The following SCUBE1 variants were observed in gnomAD, a reference collection of about 807,000 sequenced individuals.
SCUBE1 encodes signal peptide, CUB domain and EGF like domain containing 1, also known as signal peptide, CUB and EGF-like domain-containing protein 1.
A neutral mutation model predicts 124.4 loss-of-function variants in SCUBE1; 59 were observed. That is an observed-to-expected ratio of 0.47 (90% CI 0.38 to 0.59). The LOEUF is 0.59. Ranked by LOEUF, SCUBE1 falls within the 20% of genes least tolerant of loss-of-function variation. The probability of loss-of-function intolerance (pLI) is 0.00; values close to 1 mark genes in which losing one functional copy is unlikely to be tolerated. For missense variants in SCUBE1, 1,150 were observed against 1,371.2 expected, an observed-to-expected ratio of 0.84 and a Z score of 2.55; for synonymous variants, 545 against 550.9, an observed-to-expected ratio of 0.99 and a Z score of 0.15.
intron 2 of SCUBE1, among the ~76,000 whole-genome samples, chr22:43,322,384 C>G (rs1478126393): frequency 6.6e-6 from 1 of 152,146 alleles, no homozygotes; most frequent in Non-Finnish European, 1.5e-5. Flanking sequence ...CCACCTCTTC[C>G]CCTGGGTATT....
At chr22:43,237,971 C>A (rs8137393) in intron 7 of SCUBE1, 47,170 of 152,392 alleles carry the variant, frequency 0.31, 7,851 homozygotes, top group African/African-American at 0.44. Flanking sequence ...AGGCCTAACA[C>A]CCTGCCCCAG....
intron 4 of SCUBE1, chr22:43,270,330 A>C (rs1056595334): frequency 2.6e-5 from 4 of 152,242 alleles, no homozygotes; most frequent in Admixed American, 2.6e-4. Flanking sequence ...TCTGGTCCCA[A>C]GCATTTTGGA....
In SCUBE1 at chr22:43,198,505, G is replaced by C. The variant is rs1174568353; in HGVS notation, c.*5492C>G. ...AGGGCCAGGGATCTGTGGGTGCTGT[G>C]GGGGCAGAGGCAGCCGCGGTAGAAT... On this transcript the variant is annotated 3_prime_UTR_variant, in exon 22 of 22. Transcript: ENST00000360835. 4 of 455,322 alleles carry C rather than the reference G, an allele frequency of 8.8e-6. No individual in the cohort carries two copies. Among genetic ancestry groups the C allele is most frequent in the South Asian group, 6.2e-5 (4 of 64,396 alleles). The allele number at this position is 455,322 out of a possible 1,614,324, so 28.2% of individuals were successfully genotyped here.
At chr22:43,273,490 A>G (rs1318847689) in intron 4 of SCUBE1, among the ~76,000 whole-genome samples, 1 of 150,806 alleles carries the variant, frequency 6.6e-6, no homozygotes, top group Non-Finnish European at 1.5e-5. Context: ...TCCCCATCCC[A>G]GCCCTTTCTA....
intron 6 of SCUBE1, among the ~76,000 whole-genome samples, chr22:43,252,649 C>T (rs1002905017): frequency 1.3e-5 from 2 of 152,184 alleles, no homozygotes; most frequent in East Asian, 1.9e-4. Context: ...TCTACTGGGA[C>T]GAACTGCCCG....
intron 15 of SCUBE1, among the ~76,000 whole-genome samples, chr22:43,217,517 G>A (rs924682177): frequency 9.9e-5 from 15 of 152,122 alleles, no homozygotes; most frequent in African/African-American, 3.1e-4. Flanking sequence ...CTCCGCCCCC[G>A]CTACTCAGCC....
intron 6 of SCUBE1, among the ~76,000 whole-genome samples, chr22:43,247,983 C>T (rs1260045017): frequency 6.6e-6 from 1 of 152,204 alleles, no homozygotes; most frequent in East Asian, 1.9e-4. Flanking sequence ...CTTTGGGGCC[C>T]ACTTAGACCA....
intron 2 of SCUBE1, among the ~76,000 whole-genome samples, chr22:43,320,397 A>C (rs1054116008): frequency 6.6e-6 from 1 of 152,194 alleles, no homozygotes; most frequent in Non-Finnish European, 1.5e-5. Context: ...TCTGGAATGA[A>C]AGAAAAGTCC....
At chr22:43,289,202 G>A (rs9623806) in intron 4 of SCUBE1, among the ~76,000 whole-genome samples, 17,010 of 152,228 alleles carry the variant, frequency 0.11, 1,339 homozygotes, top group Non-Finnish European at 0.17. Flanking sequence ...CCCCTCCCTG[G>A]ATGAAAGCAG....
At chr22:43,291,953 C>G (rs538559828) in intron 3 of SCUBE1, among the ~76,000 whole-genome samples, 18 of 152,228 alleles carry the variant, frequency 1.2e-4, no homozygotes, top group African/African-American at 4.1e-4. Context: ...ACCCGGTGGT[C>G]TGACCCTGAA....
intron 10 of SCUBE1, among the ~76,000 whole-genome samples, chr22:43,223,914 G>A (rs1428746524): frequency 4.6e-5 from 7 of 152,178 alleles, no homozygotes. Context: ...CCTCCCTTCT[G>A]TAACCCACAC....
chr22:43,222,581 G>T (rs572397447), intron 12 of SCUBE1, 57 bp downstream of exon 12: 171 of 1,316,048 alleles, frequency 1.3e-4, no homozygotes, highest in Non-Finnish European at 1.7e-4. Flanking sequence ...CCAGCATGTT[G>T]CTGGATGCAG....
At chr22:43,279,280 C>A in intron 4 of SCUBE1, among the ~76,000 whole-genome samples, 1 of 152,230 alleles carries the variant, frequency 6.6e-6, no homozygotes, top group Admixed American at 6.5e-5. Flanking sequence ...GAACAGGGGG[C>A]TCAGGCCCCA....
At chr22:43,312,565 G>A (rs1926207134) in intron 3 of SCUBE1, among the ~76,000 whole-genome samples, 1 of 152,148 alleles carries the variant, frequency 6.6e-6, no homozygotes, top group African/African-American at 2.4e-5. Flanking sequence ...GGAGGGTGCT[G>A]GAGCGGAGGG....
intron 10 of SCUBE1, among the ~76,000 whole-genome samples, chr22:43,223,964 T>C (rs1282842550): frequency 6.6e-6 from 1 of 152,198 alleles, no homozygotes; most frequent in East Asian, 1.9e-4. Context: ...AATCCCAACC[T>C]GCCTGGAATA....
At chr22:43,286,634 C>T (rs1008460260) in intron 4 of SCUBE1, among the ~76,000 whole-genome samples, 1 of 152,220 alleles carries the variant, frequency 6.6e-6, no homozygotes, top group Admixed American at 6.5e-5. Context: ...CATAGAATCC[C>T]CAGAGCGTTT....
At chr22:43,290,993 G>A in intron 4 of SCUBE1, 53 bp downstream of exon 4, 1 of 1,510,550 alleles carries the variant, frequency 6.6e-7, no homozygotes, top group Non-Finnish European at 8.9e-7. Flanking sequence ...GGGGACTCTG[G>A]GGGCTGCCCA....
chr22:43,263,928 G>A (rs937792024), intron 4 of SCUBE1, among the ~76,000 whole-genome samples: 3 of 152,202 alleles, frequency 2.0e-5, no homozygotes, highest in East Asian at 1.9e-4. Flanking sequence ...AAGTTCACAC[G>A]GAAAGACCCT....
chr22:43,207,443 C>T, intron 21 of SCUBE1, 91 bp downstream of exon 21: 2 of 1,007,086 alleles, frequency 2.0e-6, no homozygotes, highest in East Asian at 4.8e-5. Flanking sequence ...CCTTGCTCCT[C>T]CAGGGGCCAG....
Sources: gnomAD v4.1 joint callset for allele counts (sites outside exome capture counted in the v4.1 genomes callset) on GRCh38, gnomAD v4.1.1 for gene constraint, MANE v1.5 for transcripts, NCBI Gene and HGNC (gene_info 2026-07-23, HGNC 2026-07-21) for gene names.